PTCH1: variants seen among roughly 807,000 people sequenced by gnomAD.
PTCH1 encodes the protein patched 1.
In PTCH1, 14 loss-of-function variants were observed where a neutral mutation model predicts 144.6. The ratio of observed to expected loss-of-function variants is 0.10; its 90% confidence interval spans 0.06 to 0.15. PTCH1 has a LOEUF of 0.15. PTCH1 is among the 10% of genes least tolerant of loss of function. The probability of loss-of-function intolerance (pLI) is 1.00; values close to 1 mark genes in which losing one functional copy is unlikely to be tolerated. For missense variants in PTCH1, 1,623 were observed against 1,948.3 expected (o/e 0.83, Z 3.14); for synonymous variants, 833 against 793.6 (o/e 1.05, Z -0.83).
chr9:95,511,235 C>T (rs941424573), upstream of PTCH1, among the ~76,000 whole-genome samples: 2 of 151,544 alleles, frequency 1.3e-5, no homozygotes, highest in African/African-American at 4.8e-5. Flanking sequence ...CGCCCCCTTC[C>T]TTCCTCCCCG....
At chr9:95,481,037 C>T (rs1239009678) in intron 5 of PTCH1, among the ~76,000 whole-genome samples, 2 of 152,074 alleles carry the variant, frequency 1.3e-5, no homozygotes, top group South Asian at 2.1e-4. Flanking sequence ...TACTTATGAG[C>T]GCTCTCTGAC....
intron 18 of PTCH1, among the ~76,000 whole-genome samples, 155 bp from the exon 19 acceptor site, chr9:95,456,568 A>G (rs2136652504): frequency 6.6e-6 from 1 of 152,342 alleles, no homozygotes; most frequent in South Asian, 2.1e-4. Context: ...TTACTGCCTA[A>G]TTCATCTTCC....
rs1843886204 is a variant in PTCH1 at position 95,508,178 on chromosome 9, G to C, written c.184C>G (p.Leu62Val). The C allele has an allele frequency of 6.2e-7, 1 of 1,612,760 alleles. No individual in the cohort carries two copies. Among genetic ancestry groups the C allele is most frequent in the South Asian group, 1.1e-5 (1 of 91,076 alleles). Residue 62 changes from leucine (L) to valine (V), a missense_variant, in exon 1 of 24, where the codon CTG becomes GTG. Transcript: ENST00000331920. ...RPSYCDAAFALEQISKGKATG... is the reference protein window; with the variant it reads ...RPSYCDAAFAVEQISKGKATG... Reference sequence around the variant, plus strand: ...AAATGCACCTTGGAAATCTGCTCCAGAGCGAAGGCGGCGTCGCAGTAGCTG... The same window carrying C: ...AAATGCACCTTGGAAATCTGCTCCACAGCGAAGGCGGCGTCGCAGTAGCTG...
At chr9:95,467,611 TTATA>T (rs1840137214) in intron 14 of PTCH1, among the ~76,000 whole-genome samples, 186 bp from the exon 15 acceptor site, 1 of 152,230 alleles carries the variant, frequency 6.6e-6, no homozygotes, top group Admixed American at 6.5e-5. Context: ...TTGTTTTGTT[TTATA>T]TATAATTTTT....
At position 95,463,607 on chromosome 9, in the gene PTCH1, G is replaced by A. The variant is rs576421486; in HGVS notation, c.2561-1609C>T. On this transcript the variant is annotated intron_variant, in intron 15 of 23. Transcript: ENST00000331920. The stretch of plus-strand genomic sequence containing the variant: ...GTAACAATTTTCATGATGTCATGAC[G>A]TGTCCTGGGCTTTAAGCCCCTCTCC... Among the ~76,000 whole-genome samples, 325 of 152,208 alleles carry A rather than the reference G, an allele frequency of 2.1e-3. 6 individuals are homozygous for A. The highest frequency in any genetic ancestry group is 1.5e-3 in the Non-Finnish European group (99 of 68,014).
intron 22 of PTCH1, 81 bp from the exon 23 acceptor site, chr9:95,447,532 G>A: frequency 1.4e-6 from 2 of 1,417,398 alleles, no homozygotes; most frequent in Non-Finnish European, 1.9e-6. Context: ...TCCCTCCTTG[G>A]GTTTCACCAA....
In PTCH1 at chr9:95,508,033, G is replaced by A. The variant is rs111243131; in HGVS notation, c.201+128C>T. 1.4e-5 allele frequency: 21 copies of A among 1,508,490 alleles called. No individual in the cohort carries two copies. In the African/African-American group the frequency reaches 1.6e-4, roughly 12 times the overall value. 93.4% of individuals were successfully genotyped at this position (1,508,490 alleles called of 1,614,324 possible). A position where few individuals can be genotyped will look rare whatever the true frequency, so the allele number is the denominator to read the frequency against. On this transcript the variant is annotated intron_variant, in intron 1 of 23. Coordinates refer to ENST00000331920, the MANE Select transcript of PTCH1 (RefSeq NM_000264.5). ...TTTGTCTGCTGCTTTTCCTGGAGAG[G>A]TGTGAGTGAGTGTGTGTGTGTGTGT...
chr9:95,506,684 A>T, intron 1 of PTCH1, 85 bp from the exon 2 acceptor site: 15 of 1,086,716 alleles, frequency 1.4e-5, no homozygotes, highest in Non-Finnish European at 1.8e-5. Context: ...CCGCCCGGTG[A>T]GCCCCCAACA....
At chr9:95,501,493 C>T (rs1006179898) in intron 2 of PTCH1, among the ~76,000 whole-genome samples, 3 of 151,382 alleles carry the variant, frequency 2.0e-5, no homozygotes, top group Non-Finnish European at 2.9e-5. Context: ...AAAGCACTTA[C>T]ACATACCAAG....
intron 12 of PTCH1, among the ~76,000 whole-genome samples, chr9:95,470,929 A>G (rs1031252233): frequency 2.6e-5 from 4 of 152,084 alleles, no homozygotes. Context: ...AAAACACACA[A>G]AAAATTAGTT....
chr9:95,490,519 T>TCACACACACACACACACA (rs536111739), intron 2 of PTCH1, among the ~76,000 whole-genome samples: 60 of 119,918 alleles, frequency 5.0e-4, no homozygotes, highest in African/African-American at 1.9e-3. Context: ...ACCTTCTATG[T>TCACACACACACACACACA]GACACACACA....
rs2118414448 is a variant in PTCH1 at position 95,480,426 on chromosome 9, G to C, written c.909C>G (p.Asp303Glu). 1.2e-6 allele frequency: 2 copies of C among 1,611,282 alleles called. No homozygotes were observed. The highest frequency in any genetic ancestry group is 2.2e-5 in the South Asian group (2 of 90,474). Reference sequence around the variant, plus strand: ...TTTTGTTGGGGGCTGTGGCGGGGCAGTCTGGATCGGCCGGATTGAGGCAGG... The same window carrying C: ...TTTTGTTGGGGGCTGTGGCGGGGCACTCTGGATCGGCCGGATTGAGGCAGG... ...DRPCLNPADP[D>E]CPATAPNKNS... The change falls in exon 6 of 24, where the codon GAC becomes GAG. Residue 303 changes from aspartate to glutamate, a missense_variant. By Grantham distance (45) the Asp-to-Glu change is conservative. Transcript: ENST00000331920.
rs1841572784 is a variant in PTCH1 at position 95,481,979 on chromosome 9, G to A, written c.716C>T (p.Ala239Val). ...GTATGCTGTCCCAGACTGTAATTTC[G>A]CCCCTTCCCAGAAGCAGTCCAAAGG... ...ITPLDCFWEG[A>V]KLQSGTAYLL... is the part of the protein sequence containing the mutation. Residue 239 changes from alanine (A) to valine (V), a missense_variant, in exon 5 of 24, where the codon GCG (alanine) becomes GTG (valine). Physicochemically the swap from Ala to Val is moderately conservative, Grantham distance 64. Around this residue, in one of 7 missense-constraint regions of PTCH1, gnomAD observed 230 missense variants for 271.0 expected, o/e 0.85. Coordinates refer to ENST00000331920, the MANE Select transcript of PTCH1 (RefSeq NM_000264.5). 3.1e-6 allele frequency: 5 copies of A among 1,613,558 alleles called. No individual in the cohort carries two copies. The highest frequency in any genetic ancestry group is 4.2e-6 in the Non-Finnish European group (5 of 1,179,520).
chr9:95,494,329 G>T, intron 2 of PTCH1: 2 of 985,466 alleles, frequency 2.0e-6, no homozygotes, highest in Non-Finnish European at 2.4e-6. Flanking sequence ...GCTGCCTGTC[G>T]CAGCTCCCAC....
At chr9:95,507,215 C>T (rs1843749098) in intron 1 of PTCH1, 3 of 985,530 alleles carry the variant, frequency 3.0e-6, no homozygotes, top group Non-Finnish European at 1.2e-6. Flanking sequence ...GTGGGGCAGC[C>T]AGCTGCAACT....
At chr9:95,513,789 CCCTT>C (rs1387094257), upstream of PTCH1, among the ~76,000 whole-genome samples, 2 of 152,154 alleles carry the variant, frequency 1.3e-5, no homozygotes, top group African/African-American at 4.8e-5. Context: ...CTCCCCTACT[CCCTT>C]CCACCTTCTG....
Position 95,469,871 on chromosome 9 carries a change from T to C in PTCH1, c.1789A>G (p.Ser597Gly). 6.2e-7 allele frequency: 1 copy of C among 1,614,092 alleles called. No homozygotes were observed. The highest frequency in any genetic ancestry group is 8.5e-7 in the Non-Finnish European group (1 of 1,180,030). Residue 597 changes from serine to glycine, a missense_variant, in exon 13 of 24, where the codon AGC becomes GGC. Around this residue, in one of 7 missense-constraint regions of PTCH1, gnomAD observed 135 missense variants for 228.7 expected, o/e 0.59. Coordinates refer to ENST00000331920, the MANE Select transcript of PTCH1 (RefSeq NM_000264.5). ...TCCTCGCGTCGATATAAATCCATGCTGAGAATTGCAGGAAAAATGAGCAGA... is the reference window on the plus strand; with the variant it reads ...TCCTCGCGTCGATATAAATCCATGCCGAGAATTGCAGGAAAAATGAGCAGA... ...MVLLIFPAIL[S>G]MDLYRREDRR... is the part of the protein sequence containing the mutation.
intron 1 of PTCH1, chr9:95,507,339 G>T: frequency 1.0e-6 from 1 of 985,518 alleles, no homozygotes; most frequent in Non-Finnish European, 1.2e-6. Flanking sequence ...GCTCAGGCCG[G>T]CGCAGGCTGC....
chr9:95,489,842 C>T (rs1216990452), intron 2 of PTCH1, among the ~76,000 whole-genome samples: 4 of 150,612 alleles, frequency 2.7e-5, no homozygotes, highest in African/African-American at 9.8e-5. Flanking sequence ...GCTCTGTCGC[C>T]CAGGCTGGAG....
Sources: allele counts gnomAD v4.1 joint callset (sites outside exome capture counted in the v4.1 genomes callset), GRCh38; gene constraint gnomAD v4.1.1; regional missense constraint gnomAD v4.1.1; transcripts MANE v1.5; gene names NCBI Gene and HGNC (gene_info 2026-07-23, HGNC 2026-07-21).